The following FAAP20 variants were observed in gnomAD, a reference collection of about 807,000 sequenced individuals.
FAAP20 encodes the protein Fanconi anemia core complex-associated protein 20.
FAAP20 carries 12 observed loss-of-function variants against 16.2 expected under a neutral mutation model. That is an observed-to-expected ratio of 0.74 (90% confidence interval 0.48 to 1.20). The LOEUF is 1.20. FAAP20 is among the 50% of genes most tolerant of loss of function. FAAP20 has a pLI of 0.00. For missense variants in FAAP20, 288 were observed against 245.8 expected (o/e 1.17, Z -1.15); for synonymous variants, 141 against 110.7 (o/e 1.27, Z -1.72).
At chr1:2,211,552 T>A (rs925903148), downstream of FAAP20, among the ~76,000 whole-genome samples, 1 of 144,786 alleles carries the variant, frequency 6.9e-6, no homozygotes, top group Non-Finnish European at 1.5e-5. Flanking sequence ...GTTCACGCCA[T>A]TCTCCTGCCT....
chr1:2,187,198 C>A (rs1687693630), downstream of FAAP20: 1 of 470,984 alleles, frequency 2.1e-6, no homozygotes, highest in African/African-American at 2.0e-5. Context: ...CTTGCACATC[C>A]ATGAAAGACT....
At chr1:2,211,900 CTTTTT>C (rs60874812), downstream of FAAP20, among the ~76,000 whole-genome samples, 1 of 99,010 alleles carries the variant, frequency 1.0e-5, no homozygotes, top group African/African-American at 5.1e-5. Context: ...CAAGCTGCTG[CTTTTT>C]TTTTTTTTTT....
At chr1:2,197,709 C>G (rs538003867), upstream of FAAP20, among the ~76,000 whole-genome samples, 29 of 152,254 alleles carry the variant, frequency 1.9e-4, no homozygotes, top group Admixed American at 3.3e-4. Context: ...GGGCTCTTCC[C>G]CTCCAGTTTA....
In FAAP20 at chr1:2,193,676, GC is replaced by G; in HGVS notation, c.432del (p.Arg145AlafsTer14). The G allele has an allele frequency of 6.2e-7, 1 of 1,600,714 alleles. No individual in the cohort carries two copies. The highest frequency in any genetic ancestry group is 8.5e-7 in the Non-Finnish European group (1 of 1,176,316). ...QQPSVEGAAA[L>X]RSCPMCQKEF... is the part of the protein sequence containing the mutation. ...TCCTTCTGGCACATGGGGCAGCTGC[GC>G]AGGGCCGCGGCACCCTCCACAGACG... On this transcript the variant is annotated frameshift_variant, in exon 3 of 4. Coordinates refer to ENST00000378546, the MANE Select transcript of FAAP20 (RefSeq NM_182533.4). LOFTEE classifies it high-confidence loss of function.
At chr1:2,194,585 A>T in intron 1 of FAAP20, 103 bp downstream of exon 1, 1 of 473,378 alleles carries the variant, frequency 2.1e-6, no homozygotes, top group Non-Finnish European at 2.9e-6. Context: ...GGGGGCAGGG[A>T]GCCCTCCCCA....
At chr1:2,202,055 A>G (rs1001402555), upstream of FAAP20, among the ~76,000 whole-genome samples, 26 of 151,852 alleles carry the variant, frequency 1.7e-4, no homozygotes, top group Non-Finnish European at 1.5e-5. Context: ...GAAAAAGAAA[A>G]AGTGGCCTGA....
chr1:2,204,772 G>GA (rs1689173640), upstream of FAAP20, among the ~76,000 whole-genome samples: 1 of 152,116 alleles, frequency 6.6e-6, no homozygotes, highest in African/African-American at 2.4e-5. Context: ...TGCAGGCTCA[G>GA]CCAGCCGCCG....
downstream of FAAP20, chr1:2,184,865 C>G: frequency 6.7e-7 from 1 of 1,498,690 alleles, no homozygotes; most frequent in East Asian, 2.3e-5. Flanking sequence ...GACTCCGCTT[C>G]CCCCAAGGGA....
upstream of FAAP20, chr1:2,194,814 CCCCGG>C: frequency 8.3e-6 from 9 of 1,087,060 alleles, no homozygotes; most frequent in Non-Finnish European, 1.0e-5. Flanking sequence ...CCCGCCCCCG[CCCCGG>C]CCCCGCCTCC....
At chr1:2,194,786 GCCCCC>G, upstream of FAAP20, 11 of 1,076,146 alleles carry the variant, frequency 1.0e-5, no homozygotes, top group Non-Finnish European at 1.2e-5. Flanking sequence ...CGCAAGCCCC[GCCCCC>G]GCCCCTCCAG....
downstream of FAAP20, chr1:2,186,135 T>G: frequency 4.4e-6 from 2 of 449,928 alleles, no homozygotes; most frequent in South Asian, 3.2e-5. Context: ...CTCATGCCTC[T>G]GAGTGAGGCC....
downstream of FAAP20, among the ~76,000 whole-genome samples, chr1:2,211,815 C>T (rs1319516169): frequency 1.3e-5 from 2 of 150,068 alleles, no homozygotes; most frequent in African/African-American, 5.0e-5. Context: ...AAACTCCTGA[C>T]CTCAGGTGAT....
Position 2,205,397 on chromosome 1 carries a change from C to T in FAAP20, n.451+908G>A, listed in dbSNP as rs375023765. ...GCGCCCAGCCTGGGGCAGCCGTCCC[C>T]GTGAGCCCCGCGAGGGGAGCCTGTC... On this transcript the variant is annotated intron_variant and non_coding_transcript_variant, in intron 3 of 7. Transcript: ENST00000469733. Among the ~76,000 whole-genome samples the T allele has an allele frequency of 1.9e-3, 291 of 149,712 alleles. 2 individuals are homozygous for T. Among genetic ancestry groups the T allele is most frequent in the African/African-American group, 6.2e-3 (251 of 40,660 alleles).
At position 2,193,671 on chromosome 1, in the gene FAAP20, G is replaced by C; in HGVS notation, c.438C>G (p.Ser146Arg). The change falls in exon 3 of 4, where the codon AGC (serine) becomes AGG (arginine). Residue 146 changes from serine to arginine, a missense_variant. Transcript: ENST00000378546. ...CGAACTCCTTCTGGCACATGGGGCA[G>C]CTGCGCAGGGCCGCGGCACCCTCCA... ...PSVEGAAALR[S>R]CPMCQKEFAP... 1 of 1,600,246 alleles carries C rather than the reference G, an allele frequency of 6.2e-7. No individual in the cohort carries two copies. Among genetic ancestry groups the C allele is most frequent in the Non-Finnish European group, 8.5e-7 (1 of 1,176,190 alleles).
At chr1:2,193,062 T>A in intron 3 of FAAP20, 1 of 1,254,560 alleles carries the variant, frequency 8.0e-7, no homozygotes, top group Non-Finnish European at 1.1e-6. Flanking sequence ...AACCAAAAGT[T>A]ACGAACCAGC....
chr1:2,198,323 C>A, upstream of FAAP20: 2 of 507,372 alleles, frequency 3.9e-6, no homozygotes, highest in Middle Eastern at 5.3e-4. Flanking sequence ...ACTCCCGCAC[C>A]TGCAGACCGG....
At chr1:2,200,497 G>A (rs1291565721), upstream of FAAP20, 10 of 367,222 alleles carry the variant, frequency 2.7e-5, no homozygotes, top group South Asian at 9.9e-4. Flanking sequence ...AATGCCGGGG[G>A]CCCGGGGCTG....
intron 3 of FAAP20, chr1:2,192,801 T>C: frequency 3.5e-6 from 4 of 1,145,334 alleles, no homozygotes; most frequent in Non-Finnish European, 4.7e-6. Flanking sequence ...GATCTTGCCA[T>C]GTTGCCCAGG....
chr1:2,189,762 C>G lies in FAAP20; in HGVS notation c.490G>C (p.Asp164His). The G allele has an allele frequency of 6.2e-7, 1 of 1,612,706 alleles. No homozygotes were observed. Among genetic ancestry groups the G allele is most frequent in the Non-Finnish European group, 8.5e-7 (1 of 1,179,614 alleles). ...GCCAAGCACTGGGCCAGGTGGCTGT[C>G]AACATCCAGCTGGGTCAGCCTGCAA... Reference protein sequence around the residue: ...FAPRLTQLDVDSHLAQCLAES... With the variant: ...FAPRLTQLDVHSHLAQCLAES... The change falls in exon 4 of 4, where the codon GAC (aspartate) becomes CAC (histidine). Residue 164 changes from aspartate to histidine, a missense_variant. By Grantham distance (81) the Asp-to-His change is moderately conservative. Transcript: ENST00000378546.
Sources: allele counts gnomAD v4.1 joint callset (sites outside exome capture counted in the v4.1 genomes callset), GRCh38; gene constraint gnomAD v4.1.1; transcripts MANE v1.5; gene names NCBI Gene and HGNC (gene_info 2026-07-23, HGNC 2026-07-21).